The following MAPK14 variants were observed in gnomAD, a reference collection of about 807,000 sequenced individuals.
The protein encoded by MAPK14 is mitogen-activated protein kinase 14.
Under a neutral mutation model 49.6 loss-of-function variants are expected in MAPK14, and 16 were observed. The observed-to-expected ratio is 0.32, with a 90% confidence interval of 0.22 to 0.49. The LOEUF (loss-of-function observed/expected upper bound fraction) is 0.49. Ranked by LOEUF, MAPK14 falls within the 20% of genes least tolerant of loss-of-function variation. MAPK14 has a pLI of 0.99. For missense variants in MAPK14, 200 were observed against 441.2 expected, an observed-to-expected ratio of 0.45 and a Z score of 4.90; for synonymous variants, 142 against 158.0, an observed-to-expected ratio of 0.90 and a Z score of 0.76.
At chr6:36,082,283 G>A (rs1018131743) in intron 8 of MAPK14, among the ~76,000 whole-genome samples, 10 of 152,212 alleles carry the variant, frequency 6.6e-5, no homozygotes, top group African/African-American at 2.4e-4. Flanking sequence ...AACAGTGAAA[G>A]TAGGCATCCT....
chr6:36,034,798 T>C (rs1037783714), intron 1 of MAPK14, among the ~76,000 whole-genome samples: 1 of 152,022 alleles, frequency 6.6e-6, no homozygotes, highest in African/African-American at 2.4e-5. Context: ...GTGACAACCC[T>C]GTGGTAAGCG....
intron 1 of MAPK14, among the ~76,000 whole-genome samples, chr6:36,029,841 AGT>A (rs913334446): frequency 1.3e-5 from 2 of 151,710 alleles, no homozygotes; most frequent in South Asian, 2.1e-4. Flanking sequence ...ACATTCAGAG[AGT>A]GTGTGTGTGT....
chr6:36,055,205 G>T (rs1001175866), intron 2 of MAPK14, among the ~76,000 whole-genome samples: 1 of 152,224 alleles, frequency 6.6e-6, no homozygotes, highest in East Asian at 1.9e-4. Context: ...ATCCTTTGCT[G>T]TCTGGGCAGA....
chr6:36,044,387 C>T (rs893649134), intron 1 of MAPK14, among the ~76,000 whole-genome samples: 1 of 152,144 alleles, frequency 6.6e-6, no homozygotes, highest in East Asian at 1.9e-4. Flanking sequence ...ATGGTGCAGT[C>T]GTTTGTACTT....
At chr6:36,119,644 G>T in the MAPK14 span, among the ~76,000 whole-genome samples, 3 of 152,124 alleles carry the variant, frequency 2.0e-5, no homozygotes, top group East Asian at 5.8e-4. Context: ...TTTTGCCTCT[G>T]TCCCAGGAAC....
chr6:36,101,348 G>A (rs1271495652), intron 9 of MAPK14, among the ~76,000 whole-genome samples: 1 of 152,132 alleles, frequency 6.6e-6, no homozygotes, highest in African/African-American at 2.4e-5. Context: ...TGAGGCAGGA[G>A]GGTTGCTTGA....
chr6:36,088,925 A>G (rs1054715223), intron 8 of MAPK14, among the ~76,000 whole-genome samples: 4 of 152,200 alleles, frequency 2.6e-5, no homozygotes, highest in South Asian at 2.1e-4. Context: ...TGGTGAGGCT[A>G]TGGAGAAATA....
At chr6:36,121,936 A>C in the MAPK14 span, among the ~76,000 whole-genome samples, 1 of 152,372 alleles carries the variant, frequency 6.6e-6, no homozygotes, top group East Asian at 1.9e-4. Context: ...AGGAGGATTA[A>C]GTTACATGTA....
At chr6:36,062,788 G>A (rs1763876927) in intron 3 of MAPK14, among the ~76,000 whole-genome samples, 1 of 151,636 alleles carries the variant, frequency 6.6e-6, no homozygotes, top group Non-Finnish European at 1.5e-5. Context: ...CTCACAAGTA[G>A]CTGGGATTAC....
chr6:36,076,715 T>G, intron 8 of MAPK14, 107 bp downstream of exon 8: 4 of 806,854 alleles, frequency 5.0e-6, no homozygotes, highest in Non-Finnish European at 7.9e-6. Context: ...TATTTTGCTT[T>G]TATAGTCTAG....
At chr6:36,043,299 A>C (rs1026910363) in intron 1 of MAPK14, among the ~76,000 whole-genome samples, 5 of 152,214 alleles carry the variant, frequency 3.3e-5, no homozygotes, top group Non-Finnish European at 1.5e-5. Context: ...TTTTAAAGTC[A>C]ATCTTAAATC....
In MAPK14 at chr6:36,028,417, G is replaced by C. The variant is rs994070653; in HGVS notation, c.116+144G>C. Reference sequence around the variant, plus strand: ...ATTGCTGCCCCTTCGAGCTCTGCCCGTTCTGCACCTCCAGCACCCCTCGCC... The same window carrying C: ...ATTGCTGCCCCTTCGAGCTCTGCCCCTTCTGCACCTCCAGCACCCCTCGCC... On this transcript the variant is annotated intron_variant, in intron 1 of 11. Transcript: ENST00000229794. This position sits in a 1 kb window ranked among gnomAD's most constrained non-coding sequence, Gnocchi z 5.1. 3.2e-5 allele frequency: 20 copies of C among 620,272 alleles called. No homozygotes were observed. Among genetic ancestry groups the C allele is most frequent in the Non-Finnish European group, 5.8e-5 (20 of 346,316 alleles). 38.4% of individuals were successfully genotyped at this position (620,272 alleles called of 1,614,324 possible).
rs371834848 is a variant in MAPK14 at position 36,054,069 on chromosome 6, A to G, written c.246+1241A>G. On this transcript the variant is annotated intron_variant, in intron 2 of 11. Coordinates refer to ENST00000229794, the MANE Select transcript of MAPK14 (RefSeq NM_139012.3). ...AGTGACATGTTTACAAGAAGTTGAGATATGCGGAAAAAGCTGGCAGCAGAA... is the reference window on the plus strand; with the variant it reads ...AGTGACATGTTTACAAGAAGTTGAGGTATGCGGAAAAAGCTGGCAGCAGAA... Among the ~76,000 whole-genome samples, 180 of 151,882 alleles carry G rather than the reference A, an allele frequency of 1.2e-3. 3 individuals are homozygous for G. The South Asian group carries it at 0.036, about 31-fold the overall frequency.
chr6:36,103,288 T>A (rs1414544770), intron 10 of MAPK14, among the ~76,000 whole-genome samples: 1 of 152,144 alleles, frequency 6.6e-6, no homozygotes, highest in African/African-American at 2.4e-5. Context: ...AAGATATGTG[T>A]TGCCTTGGCT....
chr6:36,064,717 G>A (rs1379709646), intron 3 of MAPK14, among the ~76,000 whole-genome samples: 11 of 152,222 alleles, frequency 7.2e-5, no homozygotes, highest in Admixed American at 2.0e-4. Flanking sequence ...ATTTTAACCT[G>A]ATGTTGTTCA....
At chr6:36,122,238 T>C in the MAPK14 span, among the ~76,000 whole-genome samples, 65,706 of 152,182 alleles carry the variant, frequency 0.43, 15,496 homozygotes, top group South Asian at 0.64. Flanking sequence ...AAGGAGACCC[T>C]GTGGCCTCTG....
At chr6:36,029,029 G>A (rs61763104) in intron 1 of MAPK14, 1 of 151,998 alleles carries the variant, frequency 6.6e-6, no homozygotes, top group African/African-American at 2.4e-5. Flanking sequence ...GAAACTGGCA[G>A]GCTCACTGAT....
chr6:36,097,910 G>T (rs953478232), intron 9 of MAPK14: 1 of 147,620 alleles, frequency 6.8e-6, no homozygotes, highest in Admixed American at 6.7e-5. Context: ...AATAAGAAAG[G>T]TTTTTTTTTT....
rs538566814 is a variant in MAPK14, at chr6:36,028,036, G to C, written c.-122G>C. Reference sequence around the variant, plus strand: ...CTGCGGGGTCGCGGCAGCCGCACCTGCGCGGGCGACCAGCGCAAGGTCCCC... The same window carrying C: ...CTGCGGGGTCGCGGCAGCCGCACCTCCGCGGGCGACCAGCGCAAGGTCCCC... On this transcript the variant is annotated 5_prime_UTR_variant, in exon 1 of 12. Transcript: ENST00000229794. This position sits in a 1 kb window ranked among gnomAD's most constrained non-coding sequence, Gnocchi z 5.1. 11 of 507,144 alleles carry C rather than the reference G, an allele frequency of 2.2e-5. No homozygotes were observed. In the South Asian group the frequency reaches 4.9e-4, roughly 23 times the overall value. The allele number at this position is 507,144 out of a possible 1,614,324, so 31.4% of individuals were successfully genotyped here.
Sources: allele counts gnomAD v4.1 joint callset (sites outside exome capture counted in the v4.1 genomes callset), GRCh38; gene constraint gnomAD v4.1.1; non-coding constraint Gnocchi (gnomAD v3.1); transcripts MANE v1.5; gene names NCBI Gene and HGNC (gene_info 2026-07-23, HGNC 2026-07-21).